PAPOLA: variants seen among roughly 807,000 people sequenced by gnomAD.
PAPOLA encodes polynucleotide adenylyltransferase alpha.
Under a neutral mutation model 100.6 loss-of-function variants are expected in PAPOLA, and 15 were observed. That is an observed-to-expected ratio of 0.15 (90% CI 0.10 to 0.23). The LOEUF (loss-of-function observed/expected upper bound fraction) is 0.23, where lower values mean the gene tolerates loss of function less well. PAPOLA is among the 10% of genes least tolerant of loss of function. PAPOLA has a pLI of 1.00. For synonymous variants in PAPOLA, 293 were observed against 300.0 expected (o/e 0.98, Z 0.24); for missense variants, 533 against 884.2 (o/e 0.60, Z 5.04).
At chr14:96,530,869 C>T (rs974605946) in intron 6 of PAPOLA, among the ~76,000 whole-genome samples, 12 of 152,008 alleles carry the variant, frequency 7.9e-5, no homozygotes, top group African/African-American at 2.2e-4. Context: ...GGCTGGAGTG[C>T]GGTGGCATGG....
chr14:96,543,634 C>T (rs867738124), intron 14 of PAPOLA, among the ~76,000 whole-genome samples: 5 of 151,416 alleles, frequency 3.3e-5, no homozygotes, highest in Non-Finnish European at 5.9e-5. Flanking sequence ...ATAACAAGAC[C>T]GTTTGATGTT....
At chr14:96,557,874 C>T (rs1420183620) in intron 19 of PAPOLA, among the ~76,000 whole-genome samples, 3 of 151,654 alleles carry the variant, frequency 2.0e-5, no homozygotes, top group Admixed American at 6.6e-5. Context: ...AGATTACTTA[C>T]GATGCCTAAT....
In PAPOLA at chr14:96,564,977, C is replaced by T. The variant is rs768115714; in HGVS notation, c.2165C>T (p.Ser722Phe). Residue 722 changes from serine to phenylalanine, a missense_variant, in exon 22 of 22, where the codon TCT (serine) becomes TTT (phenylalanine). By Grantham distance (155) the Ser-to-Phe change is radical (BLOSUM62 -2). Transcript: ENST00000216277. ...CAGAAAACATCCAGTACAGACCTTT[C>T]TGATATCCCTGCTCTCCCTGCAAAT... ...ASQKTSSTDL[S>F]DIPALPANPI... is the part of the protein sequence containing the mutation. The T allele has an allele frequency of 6.3e-7, 1 of 1,585,342 alleles. No homozygotes were observed. Among genetic ancestry groups the T allele is most frequent in the Non-Finnish European group, 8.7e-7 (1 of 1,154,016 alleles).
intron 3 of PAPOLA, among the ~76,000 whole-genome samples, chr14:96,522,720 A>G (rs1898106025): frequency 6.6e-6 from 1 of 152,200 alleles, no homozygotes; most frequent in Non-Finnish European, 1.5e-5. Context: ...AGTTTCTAAC[A>G]CTTCATTATG....
intron 6 of PAPOLA, 112 bp from the exon 7 acceptor site, chr14:96,531,362 TC>T (rs1899002546): frequency 8.0e-6 from 6 of 748,518 alleles, no homozygotes; most frequent in Admixed American, 2.9e-5. Context: ...GCTCAAGTGT[TC>T]CACCTGCCTC....
At chr14:96,522,196 G>C (rs770088383) in intron 3 of PAPOLA, among the ~76,000 whole-genome samples, 4 of 134,728 alleles carry the variant, frequency 3.0e-5, no homozygotes, top group Admixed American at 1.7e-4. Flanking sequence ...ATCTTGGTTC[G>C]CTGCAACCTG....
intron 10 of PAPOLA, chr14:96,535,668 A>G (rs2140291925): frequency 1.1e-6 from 1 of 878,230 alleles, no homozygotes; most frequent in South Asian, 5.6e-5. Context: ...CCAAAATCCA[A>G]ATTGAAGCAG....
rs558476618 is a variant in PAPOLA at position 96,508,189 on chromosome 14, ACTGT to A, written c.8+5593_8+5596del. The stretch of plus-strand genomic sequence containing the variant: ...CCTGGCCTCTGGTGGTTTTCTGAAC[ACTGT>A]CTGGTGGTTTTCTGAACACTGCACC... On this transcript the variant is annotated intron_variant, in intron 1 of 21. Coordinates refer to ENST00000216277, the MANE Select transcript of PAPOLA (RefSeq NM_032632.5). Among the ~76,000 whole-genome samples the A allele has an allele frequency of 5.9e-5, 9 of 152,158 alleles. No homozygotes were observed. The South Asian group carries it at 1.7e-3, about 28-fold the overall frequency.
intron 3 of PAPOLA, among the ~76,000 whole-genome samples, chr14:96,522,380 A>C (rs1273280532): frequency 6.6e-6 from 1 of 151,182 alleles, no homozygotes; most frequent in Admixed American, 6.6e-5. Context: ...CGGCCTTTCA[A>C]AGTGCTGGGA....
chr14:96,521,226 T>C (rs1465121224), intron 3 of PAPOLA, among the ~76,000 whole-genome samples, 154 bp downstream of exon 3: 1 of 152,146 alleles, frequency 6.6e-6, no homozygotes, highest in Admixed American at 6.5e-5. Context: ...ATTATTTTTC[T>C]AGTTAATTTG....
chr14:96,503,421 T>C (rs1338572174), intron 1 of PAPOLA, among the ~76,000 whole-genome samples: 2 of 152,170 alleles, frequency 1.3e-5, no homozygotes, highest in Non-Finnish European at 2.9e-5. Context: ...TGCGCCTTTT[T>C]CTTTTCTTGG....
intron 1 of PAPOLA, 65 bp downstream of exon 1, chr14:96,502,665 G>C: frequency 6.5e-7 from 1 of 1,539,668 alleles, no homozygotes; most frequent in African/African-American, 1.4e-5. Flanking sequence ...TCCGGGAAGG[G>C]GAAGAGGTAG....
At chr14:96,503,180 G>T (rs1896445693) in intron 1 of PAPOLA, among the ~76,000 whole-genome samples, 1 of 152,214 alleles carries the variant, frequency 6.6e-6, no homozygotes, top group Non-Finnish European at 1.5e-5. Context: ...AGCTTTGAGC[G>T]TTGAGTCCGC....
chr14:96,535,018 G>A (rs1448666498), intron 10 of PAPOLA: 4 of 976,920 alleles, frequency 4.1e-6, no homozygotes, highest in East Asian at 2.3e-4. Flanking sequence ...TGATGTAATT[G>A]TAAAAAAAAT....
At chr14:96,543,688 CA>C (rs1167563113) in intron 14 of PAPOLA, among the ~76,000 whole-genome samples, 1 of 151,992 alleles carries the variant, frequency 6.6e-6, no homozygotes, top group African/African-American at 2.4e-5. Context: ...GTAGCTAAAT[CA>C]CTAATTACTC....
At chr14:96,544,437 T>C (rs1404817667) in intron 15 of PAPOLA, among the ~76,000 whole-genome samples, 179 bp downstream of exon 15, 1 of 152,076 alleles carries the variant, frequency 6.6e-6, no homozygotes, top group East Asian at 1.9e-4. Context: ...TCCACAATGC[T>C]TGGGACCAGA....
At chr14:96,528,119 A>G (rs1898653862) in intron 6 of PAPOLA, 113 bp downstream of exon 6, 1 of 708,724 alleles carries the variant, frequency 1.4e-6, no homozygotes, top group Non-Finnish European at 2.6e-6. Context: ...TGTGATATTA[A>G]TAACAATTAA....
chr14:96,533,802 C>G, intron 9 of PAPOLA: 1 of 718,456 alleles, frequency 1.4e-6, no homozygotes, highest in Non-Finnish European at 1.7e-6. Flanking sequence ...ATCCGCCCGC[C>G]TCGGCCTCCC....
intron 16 of PAPOLA, 51 bp from the exon 17 acceptor site, chr14:96,552,429 A>G (rs777891408): frequency 6.7e-7 from 1 of 1,502,410 alleles, no homozygotes; most frequent in Non-Finnish European, 9.2e-7. Flanking sequence ...CCATGTTTCA[A>G]CATTTGGATG....
Sources: allele counts gnomAD v4.1 joint callset (sites outside exome capture counted in the v4.1 genomes callset), GRCh38; gene constraint gnomAD v4.1.1; transcripts MANE v1.5; gene names NCBI Gene and HGNC (gene_info 2026-07-23, HGNC 2026-07-21).